XIRP2: variants seen among roughly 807,000 people sequenced by gnomAD.
The protein encoded by XIRP2 is xin actin binding repeat containing 2, also known as xin actin-binding repeat-containing protein 2.
A neutral mutation model predicts 277.0 loss-of-function variants in XIRP2; 236 were observed. The observed-to-expected ratio is 0.85, with a 90% CI of 0.77 to 0.95. XIRP2 has a LOEUF of 0.95. XIRP2 is among the 40% of genes least tolerant of loss of function. The pLI, the probability that XIRP2 is intolerant of heterozygous loss-of-function variation, is 0.00. For missense variants in XIRP2, 4,640 were observed against 4,157.5 expected, an observed-to-expected ratio of 1.12 and a Z score of -3.19; for synonymous variants, 1,490 against 1,416.5, an observed-to-expected ratio of 1.05 and a Z score of -1.17.
intron 2 of XIRP2, among the ~76,000 whole-genome samples, chr2:167,118,543 GGAA>G (rs1423767538): frequency 3.4e-5 from 4 of 119,168 alleles, no homozygotes; most frequent in African/African-American, 1.0e-4. Context: ...ATAGCTTGAT[GGAA>G]GAAGATTACT....
At chr2:167,061,694 T>A (rs997099651) in intron 2 of XIRP2, among the ~76,000 whole-genome samples, 1 of 152,002 alleles carries the variant, frequency 6.6e-6, no homozygotes, top group East Asian at 1.9e-4. Context: ...AGGAGACACA[T>A]AGACAAACAC....
At chr2:167,137,548 C>T (rs1276676089) in intron 3 of XIRP2, among the ~76,000 whole-genome samples, 1 of 152,202 alleles carries the variant, frequency 6.6e-6, no homozygotes, top group Non-Finnish European at 1.5e-5. Context: ...ATTAACTCCA[C>T]TCATCACATC....
At chr2:167,147,712 C>A (rs1691899434) in intron 3 of XIRP2, among the ~76,000 whole-genome samples, 2 of 152,178 alleles carry the variant, frequency 1.3e-5, no homozygotes, top group African/African-American at 4.8e-5. Flanking sequence ...TTCTCTCAGA[C>A]TCTGCCCTAT....
At chr2:167,158,271 T>A (rs902166214) in intron 3 of XIRP2, among the ~76,000 whole-genome samples, 2 of 152,224 alleles carry the variant, frequency 1.3e-5, no homozygotes, top group Non-Finnish European at 2.9e-5. Flanking sequence ...TAAATGCGTT[T>A]GAGGTAAGAG....
At chr2:167,095,076 CA>C (rs1690262010) in intron 2 of XIRP2, among the ~76,000 whole-genome samples, 1 of 152,022 alleles carries the variant, frequency 6.6e-6, no homozygotes, top group African/African-American at 2.4e-5. Flanking sequence ...CTCTTTGTAG[CA>C]ATTGTGAATG....
chr2:167,063,624 C>T (rs1378837914), intron 2 of XIRP2, among the ~76,000 whole-genome samples: 1 of 151,806 alleles, frequency 6.6e-6, no homozygotes, highest in East Asian at 1.9e-4. Context: ...GGTATATACA[C>T]ATTTAAGATC....
intron 2 of XIRP2, among the ~76,000 whole-genome samples, chr2:166,919,449 G>A (rs1237871871): frequency 2.6e-5 from 4 of 152,164 alleles, no homozygotes; most frequent in Admixed American, 2.0e-4. Flanking sequence ...GCAACGTAAT[G>A]CATGCAGTGC....
chr2:166,952,049 A>G (rs1240681806), intron 2 of XIRP2, among the ~76,000 whole-genome samples: 1 of 152,042 alleles, frequency 6.6e-6, no homozygotes, highest in Non-Finnish European at 1.5e-5. Context: ...TACCTGCCCT[A>G]TTGAAGTGTG....
At position 167,249,578 on chromosome 2, in the gene XIRP2, A is replaced by T; in HGVS notation, c.8186A>T (p.Tyr2729Phe). Reference protein sequence around the residue: ...DHTLNETDHSYESHKQQSEID... With the variant: ...DHTLNETDHSFESHKQQSEID... Reference sequence around the variant, plus strand: ...ACATTAAATGAAACAGACCACAGCTATGAAAGTCATAAACAGCAATCTGAG... The same window carrying T: ...ACATTAAATGAAACAGACCACAGCTTTGAAAGTCATAAACAGCAATCTGAG... Residue 2729 changes from tyrosine to phenylalanine, a missense_variant, in exon 9 of 11, where the codon TAT (tyrosine) becomes TTT (phenylalanine). Transcript: ENST00000409195. 1.2e-6 allele frequency: 2 copies of T among 1,613,690 alleles called. No individual in the cohort carries two copies. The highest frequency in any genetic ancestry group is 1.7e-6 in the Non-Finnish European group (2 of 1,179,794).
At chr2:166,913,181 A>C (rs1399429693) in intron 2 of XIRP2, among the ~76,000 whole-genome samples, 1 of 152,162 alleles carries the variant, frequency 6.6e-6, no homozygotes, top group Non-Finnish European at 1.5e-5. Flanking sequence ...CCTTTTGTTC[A>C]GCTATGCTTT....
chr2:167,151,037 A>C (rs1485377959), intron 3 of XIRP2, among the ~76,000 whole-genome samples: 1 of 152,106 alleles, frequency 6.6e-6, no homozygotes, highest in Non-Finnish European at 1.5e-5. Context: ...ACAACTTCAA[A>C]AATCCTGTTT....
intron 2 of XIRP2, among the ~76,000 whole-genome samples, chr2:166,922,449 C>A (rs576191792): frequency 1.3e-5 from 2 of 152,140 alleles, no homozygotes; most frequent in African/African-American, 4.8e-5. Flanking sequence ...CAACAATGAG[C>A]ATATTGTGAC....
At chr2:166,901,041 C>G (rs1263595452) in intron 1 of XIRP2, among the ~76,000 whole-genome samples, 1 of 152,126 alleles carries the variant, frequency 6.6e-6, no homozygotes, top group East Asian at 1.9e-4. Context: ...CACCACTCAG[C>G]CTTTGCTGAT....
At chr2:167,253,160 C>A (rs192012216) in intron 9 of XIRP2, among the ~76,000 whole-genome samples, 1 of 151,968 alleles carries the variant, frequency 6.6e-6, no homozygotes, top group Admixed American at 6.6e-5. Context: ...AAAGCTTAGT[C>A]ATTCTCACAG....
chr2:166,919,069 A>G (rs1416638079), intron 2 of XIRP2, among the ~76,000 whole-genome samples: 1 of 152,162 alleles, frequency 6.6e-6, no homozygotes, highest in African/African-American at 2.4e-5. Context: ...ACAGCCATCC[A>G]TCCACTCTCT....
intron 2 of XIRP2, among the ~76,000 whole-genome samples, chr2:166,970,882 A>G (rs1660779429): frequency 6.6e-6 from 1 of 152,004 alleles, no homozygotes; most frequent in African/African-American, 2.4e-5. Context: ...TGAAAACAAC[A>G]TAAATAAATG....
chr2:167,258,635 C>A lies in XIRP2; in HGVS notation c.*818C>A. 18 of 1,611,838 alleles carry A rather than the reference C, an allele frequency of 1.1e-5. No homozygotes were observed. The highest frequency in any genetic ancestry group is 1.5e-5 in the Non-Finnish European group (18 of 1,179,218). ...TACTAACACTGATGATGAGATGATG[C>A]CAGAAAATCATAAAGAAAATTTGAA... is the stretch of plus-strand genomic sequence containing the variant. On this transcript the variant is annotated 3_prime_UTR_variant, in exon 11 of 11. Coordinates refer to ENST00000409195, the MANE Select transcript of XIRP2 (RefSeq NM_152381.6).
intron 2 of XIRP2, among the ~76,000 whole-genome samples, chr2:166,954,038 A>T (rs765657766): frequency 2.0e-5 from 3 of 151,986 alleles, no homozygotes; most frequent in Non-Finnish European, 2.9e-5. Flanking sequence ...GTAATAAAGT[A>T]TTAAACCCAT....
chr2:167,188,778 A>C (rs550103775), intron 3 of XIRP2, among the ~76,000 whole-genome samples: 1 of 152,246 alleles, frequency 6.6e-6, no homozygotes, highest in Admixed American at 6.5e-5. Flanking sequence ...CAAAGTGCCA[A>C]CTGTTTGGGA....
Sources: gnomAD v4.1 joint callset for allele counts (sites outside exome capture counted in the v4.1 genomes callset) on GRCh38, gnomAD v4.1.1 for gene constraint, MANE v1.5 for transcripts, NCBI Gene and HGNC (gene_info 2026-07-23, HGNC 2026-07-21) for gene names.